CPA6: variants seen among roughly 807,000 people sequenced by gnomAD.
CPA6 encodes carboxypeptidase B.
A neutral mutation model predicts 63.3 loss-of-function variants in CPA6; 58 were observed. The observed-to-expected ratio is 0.92, with a 90% CI of 0.74 to 1.14. CPA6 has a LOEUF of 1.14. Ranked by LOEUF, CPA6 falls within the 50% of genes most tolerant of loss-of-function variation. CPA6 has a pLI of 0.00. For missense variants in CPA6, 565 were observed against 526.6 expected (o/e 1.07, Z -0.71); for synonymous variants, 185 against 179.0 (o/e 1.03, Z -0.27).
In CPA6 at chr8:67,537,984, G is replaced by A. The variant is rs905080751; in HGVS notation, c.193-19937C>T. Among the ~76,000 whole-genome samples, 4 of 152,338 alleles carry A rather than the reference G, an allele frequency of 2.6e-5. 1 individual carries two copies. The South Asian group carries it at 6.2e-4, about 24-fold the overall frequency. On this transcript the variant is annotated intron_variant, in intron 2 of 10. Transcript: ENST00000297770. ...AAGCAGGCTGTTTAGTTCCCATGGA[G>A]TTGTGTAGTTTTGAGTGAGTTTCTT...
intron 1 of CPA6, among the ~76,000 whole-genome samples, chr8:67,660,496 ATTT>A (rs5892089): frequency 3.8e-5 from 3 of 78,938 alleles, no homozygotes; most frequent in Admixed American, 1.5e-4. Flanking sequence ...TGCCCGGCTC[ATTT>A]TTTTTTTTTT....
intron 2 of CPA6, among the ~76,000 whole-genome samples, chr8:67,572,205 G>T (rs1262119205): frequency 6.6e-6 from 1 of 152,190 alleles, no homozygotes; most frequent in African/African-American, 2.4e-5. Context: ...CATTGTTATA[G>T]TTTGAATATG....
chr8:67,549,031 T>G (rs1812883948), intron 2 of CPA6, among the ~76,000 whole-genome samples: 1 of 152,232 alleles, frequency 6.6e-6, no homozygotes, highest in Admixed American at 6.5e-5. Context: ...GCATGGTGTT[T>G]AGGATCTACA....
chr8:67,494,653 A>G (rs750723267), intron 6 of CPA6, among the ~76,000 whole-genome samples: 9 of 152,254 alleles, frequency 5.9e-5, no homozygotes, highest in Non-Finnish European at 1.3e-4. Context: ...CCTTTCCACA[A>G]TTAAAAAAAC....
chr8:67,571,614 AT>A (rs1200627338), intron 2 of CPA6, among the ~76,000 whole-genome samples: 1 of 152,214 alleles, frequency 6.6e-6, no homozygotes, highest in Non-Finnish European at 1.5e-5. Flanking sequence ...CAATATAGAA[AT>A]TAGGAAATTA....
At chr8:67,521,296 T>C (rs766475298) in intron 2 of CPA6, among the ~76,000 whole-genome samples, 1 of 152,238 alleles carries the variant, frequency 6.6e-6, no homozygotes, top group Non-Finnish European at 1.5e-5. Flanking sequence ...GAGGCCAAGG[T>C]ATTTCAGTGT....
intron 1 of CPA6, among the ~76,000 whole-genome samples, chr8:67,684,761 CAGCGTT>C (rs1294251908): frequency 1.3e-5 from 2 of 152,134 alleles, no homozygotes; most frequent in East Asian, 3.9e-4. Flanking sequence ...TTGTAAAATC[CAGCGTT>C]AGCAAAGAAC....
chr8:67,431,641 G>A (rs1313795597), intron 9 of CPA6, among the ~76,000 whole-genome samples: 3 of 152,140 alleles, frequency 2.0e-5, no homozygotes, highest in African/African-American at 7.2e-5. Context: ...GGAATACTGT[G>A]ATACAAATTG....
At position 67,428,029 on chromosome 8, in the gene CPA6, T is replaced by A; in HGVS notation, c.1126+18A>T. The A allele has an allele frequency of 6.5e-7, 1 of 1,538,234 alleles. No individual in the cohort carries two copies. The highest frequency in any genetic ancestry group is 9.0e-7 in the Non-Finnish European group (1 of 1,112,282). On this transcript the variant is annotated intron_variant, in intron 10 of 10. Coordinates refer to ENST00000297770, the MANE Select transcript of CPA6 (RefSeq NM_020361.5). ...TTCAAGAGAGAGGATTCTAACACAA[T>A]GTACGCAGGAAACTTACACAACGTT... is the stretch of plus-strand genomic sequence containing the variant.
At chr8:67,702,090 T>A (rs983455254) in intron 1 of CPA6, among the ~76,000 whole-genome samples, 2 of 152,096 alleles carry the variant, frequency 1.3e-5, no homozygotes, top group Admixed American at 1.3e-4. Flanking sequence ...AGTCTCCCAA[T>A]AGACAGAAAA....
intron 1 of CPA6, among the ~76,000 whole-genome samples, chr8:67,669,942 G>A (rs1346987975): frequency 1.3e-5 from 2 of 152,144 alleles, no homozygotes; most frequent in African/African-American, 4.8e-5. Flanking sequence ...TATCAGCCTT[G>A]TGTTCAGTTA....
intron 6 of CPA6, among the ~76,000 whole-genome samples, chr8:67,494,161 C>G (rs933798898): frequency 6.6e-6 from 1 of 151,704 alleles, no homozygotes; most frequent in African/African-American, 2.4e-5. Flanking sequence ...CTATATAACT[C>G]TCAGACACAG....
intron 1 of CPA6, among the ~76,000 whole-genome samples, chr8:67,664,696 G>T (rs537437772): frequency 6.6e-6 from 1 of 152,210 alleles, no homozygotes; most frequent in South Asian, 2.1e-4. Flanking sequence ...GTGGATTTCA[G>T]GGCCTCAAAT....
At chr8:67,471,083 CTCT>C (rs981401320) in intron 8 of CPA6, among the ~76,000 whole-genome samples, 14 of 152,154 alleles carry the variant, frequency 9.2e-5, no homozygotes, top group Non-Finnish European at 1.9e-4. Flanking sequence ...CCACTTCTGC[CTCT>C]TCTTCTACTC....
At chr8:67,602,609 A>G (rs770272179) in intron 2 of CPA6, among the ~76,000 whole-genome samples, 3 of 152,224 alleles carry the variant, frequency 2.0e-5, no homozygotes, top group Admixed American at 6.5e-5. Context: ...TGTCCCTCAT[A>G]TCTCATCAAG....
intron 1 of CPA6, among the ~76,000 whole-genome samples, chr8:67,632,148 C>G (rs1167328669): frequency 6.8e-6 from 1 of 147,744 alleles, no homozygotes; most frequent in Non-Finnish European, 1.5e-5. Flanking sequence ...AAAAATGATG[C>G]TGTGTGTGTG....
At chr8:67,427,903 A>T in intron 10 of CPA6, 144 bp downstream of exon 10, 3 of 597,402 alleles carry the variant, frequency 5.0e-6, no homozygotes, top group Non-Finnish European at 8.9e-6. Context: ...TCAGATATAA[A>T]CTCCTTCTAT....
chr8:67,744,570 G>A (rs1817972333), intron 1 of CPA6, among the ~76,000 whole-genome samples: 1 of 152,154 alleles, frequency 6.6e-6, no homozygotes, highest in Non-Finnish European at 1.5e-5. Flanking sequence ...GAGTGGAGGA[G>A]TGAGGTCTTA....
intron 1 of CPA6, among the ~76,000 whole-genome samples, chr8:67,737,613 C>T (rs1227333135): frequency 6.6e-6 from 1 of 152,142 alleles, no homozygotes; most frequent in African/African-American, 2.4e-5. Flanking sequence ...TGTTTACCTG[C>T]CTGAGTTACT....
Sources: allele counts gnomAD v4.1 joint callset (sites outside exome capture counted in the v4.1 genomes callset), GRCh38; gene constraint gnomAD v4.1.1; transcripts MANE v1.5; gene names NCBI Gene and HGNC (gene_info 2026-07-23, HGNC 2026-07-21).